FOXN1: variants seen among roughly 807,000 people sequenced by gnomAD.
FOXN1 encodes the protein forkhead box N1, also known as forkhead box protein N1.
FOXN1 carries 15 observed loss-of-function variants against 49.0 expected under a neutral mutation model. The ratio of observed to expected loss-of-function variants is 0.31; its 90% CI spans 0.20 to 0.47. The LOEUF (loss-of-function observed/expected upper bound fraction) is 0.47, where lower values mean the gene tolerates loss of function less well. FOXN1 is among the 20% of genes least tolerant of loss of function. FOXN1 has a pLI of 1.00. For missense variants in FOXN1, 800 were observed against 842.8 expected (o/e 0.95, Z 0.63); for synonymous variants, 356 against 369.0 (o/e 0.96, Z 0.40).
intron 1 of FOXN1, among the ~76,000 whole-genome samples, chr17:28,513,967 T>C (rs1213447925): frequency 6.6e-6 from 1 of 152,252 alleles, no homozygotes; most frequent in Non-Finnish European, 1.5e-5. Flanking sequence ...GGACCCTCCC[T>C]GCAGAAGGGA....
At chr17:28,506,604 G>A (rs185219944) in intron 1 of FOXN1, among the ~76,000 whole-genome samples, 161 bp downstream of exon 1, 98 of 152,348 alleles carry the variant, frequency 6.4e-4, no homozygotes, top group African/African-American at 2.3e-3. Context: ...AGTGCCTGGA[G>A]GCCAAGGGGC....
chr17:28,507,528 C>T (rs1239193607), intron 1 of FOXN1, among the ~76,000 whole-genome samples: 7 of 152,322 alleles, frequency 4.6e-5, no homozygotes, highest in East Asian at 1.9e-4. Flanking sequence ...TTGCCCACAT[C>T]GGGCAGGGCT....
chr17:28,533,492 C>G (rs900327528), intron 6 of FOXN1, among the ~76,000 whole-genome samples: 2 of 151,128 alleles, frequency 1.3e-5, no homozygotes, highest in Non-Finnish European at 3.0e-5. Context: ...AGCACCCCCC[C>G]CCACTGCCTG....
chr17:28,510,639 A>G (rs1366741643), intron 1 of FOXN1, among the ~76,000 whole-genome samples: 1 of 151,660 alleles, frequency 6.6e-6, no homozygotes, highest in Non-Finnish European at 1.5e-5. Context: ...AAACCCAATT[A>G]TCAGACTCTG....
chr17:28,524,791 G>T lies in FOXN1; in HGVS notation c.412G>T (p.Ala138Ser), dbSNP rs1165043385. Residue 138 changes from alanine (A) to serine (S), a missense_variant, in exon 3 of 9, where the codon GCC becomes TCC. Ala to Ser is a moderately conservative substitution (Grantham distance 99). Around this residue, in one of 3 missense-constraint regions of FOXN1, gnomAD observed 383 missense variants for 357.9 expected, o/e 1.07. Coordinates refer to ENST00000579795, the MANE Select transcript of FOXN1 (RefSeq NM_001369369.1). ...RPFHEDVFPE[A>S]ETTLALKGHS... ...TTTCCATGAGGACGTCTTCCCAGAG[G>T]CCGAGACCACCCTGGCCCTCAAAGG... The T allele has an allele frequency of 1.2e-6, 2 of 1,613,672 alleles. No individual in the cohort carries two copies. The highest frequency in any genetic ancestry group is 1.3e-5 in the African/African-American group (1 of 75,052).
At chr17:28,515,546 T>A (rs2069476852) in intron 1 of FOXN1, among the ~76,000 whole-genome samples, 1 of 150,836 alleles carries the variant, frequency 6.6e-6, no homozygotes, top group Admixed American at 6.6e-5. Flanking sequence ...CCCCTCCATG[T>A]GGTACATGCT....
At chr17:28,507,093 C>A (rs2069277040) in intron 1 of FOXN1, among the ~76,000 whole-genome samples, 1 of 152,190 alleles carries the variant, frequency 6.6e-6, no homozygotes, top group South Asian at 2.1e-4. Context: ...AGCTCCATTT[C>A]TCTCCCGCAA....
chr17:28,534,193 T>G lies in FOXN1; in HGVS notation c.928-138T>G. The G allele has an allele frequency of 8.1e-7, 1 of 1,240,126 alleles. No individual in the cohort carries two copies. 76.8% of individuals were successfully genotyped at this position (1,240,126 alleles called of 1,614,324 possible). ...AGGGTACCAAGCAAGGGATGGGTGC[T>G]GAGGAGGACAACAAGCCCCAGAGTG... is the stretch of plus-strand genomic sequence containing the variant. On this transcript the variant is annotated intron_variant, in intron 6 of 8. Coordinates refer to ENST00000579795, the MANE Select transcript of FOXN1 (RefSeq NM_001369369.1). The surrounding 1 kb of genome is among the most constrained non-coding windows in gnomAD (Gnocchi z 4.1).
intron 1 of FOXN1, among the ~76,000 whole-genome samples, chr17:28,518,825 G>A (rs2069582457): frequency 6.6e-6 from 1 of 152,144 alleles, no homozygotes; most frequent in African/African-American, 2.4e-5. Flanking sequence ...TCAGTCAGCT[G>A]TGTAACCCTG....
In FOXN1 at chr17:28,537,241, G is replaced by A. The variant is rs769103640; in HGVS notation, c.1752G>A (p.Gly584=). 2 of 1,613,834 alleles carry A rather than the reference G, an allele frequency of 1.2e-6. No individual in the cohort carries two copies. The highest frequency in any genetic ancestry group is 1.7e-6 in the Non-Finnish European group (2 of 1,179,930). ...CACCACCTCACTGCTTCCCCCCTGG[G>A]CCCTGTCTGACAGAGACAGGCAGTG... ...PQPPPHCFPP[G]PCLTETGSGA... The change falls in exon 9 of 9, where the codon GGG becomes GGA. Residue 584 remains glycine (G), a synonymous_variant. Transcript: ENST00000579795.
intron 1 of FOXN1, among the ~76,000 whole-genome samples, chr17:28,516,668 G>T (rs191074690): frequency 2.5e-4 from 37 of 146,904 alleles, no homozygotes; most frequent in Non-Finnish European, 4.5e-4. Context: ...ACCTCCACAG[G>T]ATCCATACCA....
At chr17:28,527,196 A>G (rs1298384438) in intron 3 of FOXN1, 55 bp from the exon 4 acceptor site, 10 of 1,199,278 alleles carry the variant, frequency 8.3e-6, no homozygotes, top group African/African-American at 1.5e-5. Context: ...AGACACAGGA[A>G]AGAGGAAGGG....
intron 5 of FOXN1, among the ~76,000 whole-genome samples, chr17:28,530,041 G>A (rs560756361): frequency 2.5e-4 from 38 of 152,052 alleles, no homozygotes; most frequent in African/African-American, 9.2e-4. Context: ...GTCAGGGGTT[G>A]GGGGCAAGGG....
Position 28,534,232 on chromosome 17 carries a change from T to G in FOXN1, c.928-99T>G. ...AGCCCCAGAGTGGGCGGCAGCTCTG[T>G]GCCCAGAGGAGAAACAGGAGTGTTC... is the stretch of plus-strand genomic sequence containing the variant. On this transcript the variant is annotated intron_variant, in intron 6 of 8. Transcript: ENST00000579795. This position sits in a 1 kb window ranked among gnomAD's most constrained non-coding sequence, Gnocchi z 4.1. 6.3e-7 allele frequency: 1 copy of G among 1,582,572 alleles called. No homozygotes were observed. Among genetic ancestry groups the G allele is most frequent in the South Asian group, 1.1e-5 (1 of 89,604 alleles).
At chr17:28,511,188 A>G (rs2151474754) in intron 1 of FOXN1, among the ~76,000 whole-genome samples, 1 of 152,320 alleles carries the variant, frequency 6.6e-6, no homozygotes, top group African/African-American at 2.4e-5. Context: ...CAAGGAGATA[A>G]CCACCTGCCC....
intron 1 of FOXN1, among the ~76,000 whole-genome samples, chr17:28,516,179 CACACCTCCACA>C: frequency 6.6e-6 from 1 of 151,618 alleles, no homozygotes; most frequent in East Asian, 2.0e-4. Context: ...CCACAGGGTA[CACACCTCCACA>C]GGGTACACAC....
chr17:28,517,852 A>C (rs2069556662), intron 1 of FOXN1, among the ~76,000 whole-genome samples: 1 of 144,766 alleles, frequency 6.9e-6, no homozygotes, highest in Admixed American at 6.8e-5. Context: ...CAGGATACAC[A>C]CCTCCACAGG....
intron 3 of FOXN1, among the ~76,000 whole-genome samples, chr17:28,526,513 T>A (rs979434103): frequency 6.6e-6 from 1 of 152,330 alleles, no homozygotes; most frequent in Non-Finnish European, 1.5e-5. Flanking sequence ...GCCCTGGGAC[T>A]CTGTGCCGGC....
At position 28,537,201 on chromosome 17, in the gene FOXN1, T is replaced by C. The variant is rs1041116525; in HGVS notation, c.1712T>C (p.Met571Thr). ...ACCTCATCCCCGACATCATCTTCGA[T>C]GCCACCACCCCAGCCACCACCTCAC... ...LVTSSPTSSS[M>T]PPPQPPPHCF... The change falls in exon 9 of 9, where the codon ATG becomes ACG. Residue 571 changes from methionine to threonine, a missense_variant. Physicochemically the swap from Met to Thr is moderately conservative, Grantham distance 81 (BLOSUM62 -1). Coordinates refer to ENST00000579795, the MANE Select transcript of FOXN1 (RefSeq NM_001369369.1). 8.7e-6 allele frequency: 14 copies of C among 1,613,792 alleles called. No individual in the cohort carries two copies. Among genetic ancestry groups the C allele is most frequent in the African/African-American group, 2.7e-5 (2 of 74,906 alleles).
Sources: allele counts gnomAD v4.1 joint callset (sites outside exome capture counted in the v4.1 genomes callset), GRCh38; gene constraint gnomAD v4.1.1; regional missense constraint gnomAD v4.1.1; non-coding constraint Gnocchi (gnomAD v3.1); transcripts MANE v1.5; gene names NCBI Gene and HGNC (gene_info 2026-07-23, HGNC 2026-07-21).